The following BICDL1 variants were observed in gnomAD, a reference collection of about 807,000 sequenced individuals.
BICDL1 encodes BICD family like cargo adaptor 1.
Under a neutral mutation model 76.8 loss-of-function variants are expected in BICDL1, and 20 were observed. The ratio of observed to expected loss-of-function variants is 0.26; its 90% CI spans 0.18 to 0.38. The LOEUF is 0.38. Among genes scored for constraint, BICDL1 ranks in the 10% least tolerant of loss-of-function variants. The pLI is 1.00. For synonymous variants in BICDL1, 383 were observed against 337.1 expected (o/e 1.14, Z -1.49); for missense variants, 700 against 798.6 (o/e 0.88, Z 1.49).
intron 9 of BICDL1, chr12:120,092,567 T>G: frequency 1.0e-6 from 1 of 985,406 alleles, no homozygotes; most frequent in Non-Finnish European, 1.2e-6. Context: ...GCTGGGGAGC[T>G]GTTAAGCTGA....
chr12:120,005,879 T>C (rs1412141726), intron 2 of BICDL1, among the ~76,000 whole-genome samples: 1 of 152,210 alleles, frequency 6.6e-6, no homozygotes, highest in Non-Finnish European at 1.5e-5. Flanking sequence ...GCAGTGAACA[T>C]CCTTGTTCAT....
chr12:120,053,224 A>G (rs1188152151), intron 2 of BICDL1, among the ~76,000 whole-genome samples: 1 of 152,146 alleles, frequency 6.6e-6, no homozygotes, highest in Non-Finnish European at 1.5e-5. Flanking sequence ...AGCTGGGATT[A>G]CAGGCATGTG....
chr12:120,092,541 G>A, intron 9 of BICDL1: 1 of 985,486 alleles, frequency 1.0e-6, no homozygotes, highest in African/African-American at 1.7e-5. Context: ...AGGAGCCCCT[G>A]AGGCCAGGCC....
chr12:120,057,841 TTTTTTTTG>T, intron 2 of BICDL1, among the ~76,000 whole-genome samples: 1 of 140,532 alleles, frequency 7.1e-6, no homozygotes, highest in African/African-American at 2.8e-5. Context: ...TTTTTTTTTT[TTTTTTTTG>T]AGACGGAGTC....
chr12:120,057,271 T>TC, intron 2 of BICDL1: 1 of 367,036 alleles, frequency 2.7e-6, no homozygotes, highest in Non-Finnish European at 5.3e-6. Flanking sequence ...CACCTTGGCC[T>TC]CCCAACGTGC....
At chr12:119,993,063 C>G (rs1388916397) in intron 1 of BICDL1, 1 of 149,576 alleles carries the variant, frequency 6.7e-6, no homozygotes, top group East Asian at 2.1e-4. Context: ...ATGACATTCT[C>G]CTGCCTCAGC....
chr12:119,999,859 T>C (rs1951726159), intron 2 of BICDL1: 1 of 421,826 alleles, frequency 2.4e-6, no homozygotes, highest in East Asian at 7.2e-5. Flanking sequence ...AGAACTTCTC[T>C]GATATCATCC....
At chr12:119,995,009 G>A (rs973764820) in intron 1 of BICDL1, among the ~76,000 whole-genome samples, 2 of 152,124 alleles carry the variant, frequency 1.3e-5, no homozygotes, top group African/African-American at 4.8e-5. Flanking sequence ...TTCTGTTCCA[G>A]GATACCATAT....
chr12:120,090,742 G>A (rs868521018), intron 9 of BICDL1: 21 of 441,824 alleles, frequency 4.8e-5, no homozygotes, highest in Non-Finnish European at 7.0e-5. Flanking sequence ...TAAGCCCCCC[G>A]TGGAGGGCAG....
Position 119,990,206 on chromosome 12 carries a change from C to T in BICDL1, c.338C>T (p.Ala113Val). The T allele has an allele frequency of 5.1e-6, 8 of 1,566,624 alleles. No homozygotes were observed. The highest frequency in any genetic ancestry group is 6.9e-6 in the Non-Finnish European group (8 of 1,156,272). The change falls in exon 1 of 10, where the codon GCG (alanine) becomes GTG (valine). Residue 113 changes from alanine to valine, a missense_variant. Around this residue, in one of 3 missense-constraint regions of BICDL1, gnomAD observed 225 missense variants for 199.6 expected, o/e 1.13. Coordinates refer to ENST00000548673, the MANE Select transcript of BICDL1 (RefSeq NM_001367886.1). Reference sequence around the variant, plus strand: ...CAGAAGGAGAAGGATCTGGTGTTGGCGGCCCGGCTGGGTAAGGCGCTGCTC... The same window carrying T: ...CAGAAGGAGAAGGATCTGGTGTTGGTGGCCCGGCTGGGTAAGGCGCTGCTC... ...IRQKEKDLVL[A>V]ARLGKALLER...
intron 2 of BICDL1, among the ~76,000 whole-genome samples, chr12:120,005,773 A>G (rs1951839677): frequency 6.6e-6 from 1 of 152,234 alleles, no homozygotes; most frequent in African/African-American, 2.4e-5. Flanking sequence ...ATAGTATTCC[A>G]TATAGCACAT....
Position 119,995,363 on chromosome 12 carries a change from C to T in BICDL1, c.430-3158C>T, listed in dbSNP as rs560075562. ...GAAACATGAAATAGGAAGTTTGTCT[C>T]ATGTCCAAAGAAATACAAGGACTGA... On this transcript the variant is annotated intron_variant, in intron 1 of 9. Coordinates refer to ENST00000548673, the MANE Select transcript of BICDL1 (RefSeq NM_001367886.1). Among the ~76,000 whole-genome samples the T allele has an allele frequency of 3.9e-5, 6 of 152,348 alleles. No homozygotes were observed. The East Asian group carries it at 1.2e-3, about 29-fold the overall frequency.
At chr12:120,033,258 A>G (rs1230748003) in intron 2 of BICDL1, among the ~76,000 whole-genome samples, 1 of 150,560 alleles carries the variant, frequency 6.6e-6, no homozygotes, top group Non-Finnish European at 1.5e-5. Context: ...TGTCTGGTGC[A>G]TTATGCCTGG....
intron 7 of BICDL1, among the ~76,000 whole-genome samples, chr12:120,075,333 A>G (rs1393300907): frequency 1.3e-5 from 2 of 150,858 alleles, no homozygotes; most frequent in African/African-American, 2.4e-5. Flanking sequence ...CTGCTGCATG[A>G]GGTTTCTTTG....
At chr12:120,069,596 G>A (rs114715347) in intron 4 of BICDL1, among the ~76,000 whole-genome samples, 1 of 152,146 alleles carries the variant, frequency 6.6e-6, no homozygotes, top group Non-Finnish European at 1.5e-5. Flanking sequence ...GCCTCTAATG[G>A]TTGGGTGGGG....
intron 2 of BICDL1, among the ~76,000 whole-genome samples, chr12:120,026,315 A>C (rs556984190): frequency 1.2e-4 from 19 of 152,320 alleles, no homozygotes; most frequent in African/African-American, 4.6e-4. Context: ...TACAAAGCAA[A>C]TGGAGGAAAA....
At position 120,093,555 on chromosome 12, in the gene BICDL1, G is replaced by T; in HGVS notation, c.*394G>T. ...CAAATGGGGAACAGAAGGAATGGAG[G>T]CCCTTCTCTGCATGCCTCAGGAGGC... is the stretch of plus-strand genomic sequence containing the variant. On this transcript the variant is annotated 3_prime_UTR_variant, in exon 10 of 10. Coordinates refer to ENST00000548673, the MANE Select transcript of BICDL1 (RefSeq NM_001367886.1). 1 of 217,544 alleles carries T rather than the reference G, an allele frequency of 4.6e-6. No homozygotes were observed. Among genetic ancestry groups the T allele is most frequent in the Non-Finnish European group, 9.5e-6 (1 of 105,220 alleles). 13.5% of individuals were successfully genotyped at this position (217,544 alleles called of 1,614,324 possible).
At chr12:120,086,520 C>T (rs1874431053) in intron 8 of BICDL1, among the ~76,000 whole-genome samples, 1 of 152,118 alleles carries the variant, frequency 6.6e-6, no homozygotes, top group African/African-American at 2.4e-5. Context: ...ACTTCTTTCC[C>T]CCTTGATTTT....
intron 2 of BICDL1, among the ~76,000 whole-genome samples, chr12:120,041,843 G>A (rs1039902521): frequency 2.6e-5 from 4 of 152,158 alleles, no homozygotes; most frequent in Admixed American, 6.5e-5. Flanking sequence ...AGAATGCAGC[G>A]GAGAAAAGAG....
Sources: gnomAD v4.1 joint callset for allele counts (sites outside exome capture counted in the v4.1 genomes callset) on GRCh38, gnomAD v4.1.1 for gene constraint, gnomAD v4.1.1 regional missense constraint, MANE v1.5 for transcripts, NCBI Gene and HGNC (gene_info 2026-07-23, HGNC 2026-07-21) for gene names.